FAXC: variants seen among roughly 807,000 people sequenced by gnomAD.
The protein encoded by FAXC is failed axon connections homolog.
FAXC carries 10 observed loss-of-function variants against 41.9 expected under a neutral mutation model. The ratio of observed to expected loss-of-function variants is 0.24; its 90% CI spans 0.15 to 0.41. The LOEUF is 0.41. Ranked by LOEUF, FAXC falls within the 10% of genes least tolerant of loss-of-function variation. FAXC has a pLI of 1.00. For missense variants in FAXC, 399 were observed against 510.9 expected (o/e 0.78, Z 2.11); for synonymous variants, 183 against 183.8 (o/e 1.00, Z 0.03).
intron 3 of FAXC, among the ~76,000 whole-genome samples, chr6:99,329,984 G>A (rs995798357): frequency 2.0e-5 from 3 of 151,242 alleles, no homozygotes; most frequent in Non-Finnish European, 2.9e-5. Context: ...ATGCAGCCTC[G>A]AACTCCTGGG....
rs1427517719 is a variant in FAXC at position 99,349,554 on chromosome 6, T to C, written c.-182A>G. 7.9e-6 allele frequency: 2 copies of C among 254,488 alleles called. No homozygotes were observed. The highest frequency in any genetic ancestry group is 1.2e-5 in the Non-Finnish European group (2 of 161,648). The allele number at this position is 254,488 out of a possible 1,614,324, so 15.8% of individuals were successfully genotyped here. On this transcript the variant is annotated 5_prime_UTR_variant, in exon 1 of 6. Transcript: ENST00000389677. ...AGAGGAGGAGGAGGAGGAAGGGCAC[T>C]GGCCGCGGACGGCGGGCCTGGCCGG...
chr6:99,317,370 T>C (rs1243469820), intron 4 of FAXC, among the ~76,000 whole-genome samples: 2 of 150,766 alleles, frequency 1.3e-5, no homozygotes, highest in African/African-American at 5.0e-5. Context: ...CATTTAAATC[T>C]GTACTCTGCT....
At chr6:99,320,010 G>T (rs1296051997) in intron 4 of FAXC, among the ~76,000 whole-genome samples, 3 of 151,820 alleles carry the variant, frequency 2.0e-5, no homozygotes, top group Admixed American at 1.3e-4. Flanking sequence ...CTTTCATGTT[G>T]TACAACTACA....
chr6:99,301,439 C>A (rs370789231), intron 4 of FAXC, among the ~76,000 whole-genome samples: 1 of 152,130 alleles, frequency 6.6e-6, no homozygotes, highest in African/African-American at 2.4e-5. Context: ...TCTCATGTAC[C>A]TCATAAATAT....
chr6:99,316,614 C>CT (rs1772367120), intron 4 of FAXC, among the ~76,000 whole-genome samples: 1 of 152,238 alleles, frequency 6.6e-6, no homozygotes, highest in Admixed American at 6.5e-5. Context: ...CTATAGTCAT[C>CT]TGCTCCCTGA....
At chr6:99,303,529 C>T (rs1400944836) in intron 4 of FAXC, among the ~76,000 whole-genome samples, 1 of 152,214 alleles carries the variant, frequency 6.6e-6, no homozygotes, top group Non-Finnish European at 1.5e-5. Context: ...TCCCATACTA[C>T]TCTAATGCAC....
intron 2 of FAXC, among the ~76,000 whole-genome samples, chr6:99,340,517 C>T (rs1773385773): frequency 1.6e-5 from 2 of 123,638 alleles, no homozygotes; most frequent in African/African-American, 6.5e-5. Flanking sequence ...CATAAAGACT[C>T]ACTCTAAAGA....
At chr6:99,302,878 T>G (rs573188880) in intron 4 of FAXC, among the ~76,000 whole-genome samples, 1 of 151,178 alleles carries the variant, frequency 6.6e-6, no homozygotes, top group African/African-American at 2.4e-5. Flanking sequence ...AAAATACTTC[T>G]GTACAAAAAA....
intron 4 of FAXC, among the ~76,000 whole-genome samples, chr6:99,319,769 T>C (rs1772523539): frequency 6.6e-6 from 1 of 152,224 alleles, no homozygotes; most frequent in African/African-American, 2.4e-5. Context: ...AGGTCCTGAA[T>C]ATTTCGTATA....
intron 4 of FAXC, among the ~76,000 whole-genome samples, chr6:99,296,070 T>G (rs1359214011): frequency 6.6e-6 from 1 of 152,224 alleles, no homozygotes; most frequent in East Asian, 1.9e-4. Context: ...CTAATGGATA[T>G]TTATTTTATT....
At chr6:99,295,508 C>T (rs1771451131) in intron 4 of FAXC, among the ~76,000 whole-genome samples, 1 of 152,136 alleles carries the variant, frequency 6.6e-6, no homozygotes, top group African/African-American at 2.4e-5. Context: ...GACCCCTCAC[C>T]TGAGTAACGA....
Position 99,276,278 on chromosome 6 carries a change from G to A in FAXC, c.*4886C>T, listed in dbSNP as rs1015772066. On this transcript the variant is annotated 3_prime_UTR_variant, in exon 6 of 6. Coordinates refer to ENST00000389677, the MANE Select transcript of FAXC (RefSeq NM_032511.4). ...ATGAATGAATGAATAAATGAATACA[G>A]GAAAACCTGATTGTGCAGACCTTTC... 6.6e-6 allele frequency: 1 copy of A among 152,102 alleles called. No homozygotes were observed. The highest frequency in any genetic ancestry group is 1.5e-5 in the Non-Finnish European group (1 of 68,018). 9.4% of individuals were successfully genotyped at this position (152,102 alleles called of 1,614,324 possible).
At chr6:99,286,120 G>C (rs567034216) in intron 5 of FAXC, among the ~76,000 whole-genome samples, 2 of 152,316 alleles carry the variant, frequency 1.3e-5, no homozygotes, top group Non-Finnish European at 2.9e-5. Flanking sequence ...GCACCTCCCT[G>C]TTCCAGATCC....
chr6:99,319,931 A>T (rs1772530643), intron 4 of FAXC, among the ~76,000 whole-genome samples: 1 of 152,192 alleles, frequency 6.6e-6, no homozygotes, highest in South Asian at 2.1e-4. Flanking sequence ...CCATTATATC[A>T]GCTACATAAT....
intron 2 of FAXC, among the ~76,000 whole-genome samples, chr6:99,341,457 T>C (rs1172626327): frequency 1.3e-5 from 2 of 152,136 alleles, no homozygotes; most frequent in Non-Finnish European, 2.9e-5. Flanking sequence ...CTGGAGAATC[T>C]ATCTCAATAT....
chr6:99,299,587 G>C (rs2128452652), intron 4 of FAXC, among the ~76,000 whole-genome samples: 1 of 152,216 alleles, frequency 6.6e-6, no homozygotes, highest in Non-Finnish European at 1.5e-5. Context: ...AGAAATTGAA[G>C]AAAAATTAAG....
At chr6:99,292,660 TCA>T (rs1771291052) in intron 4 of FAXC, among the ~76,000 whole-genome samples, 1 of 152,242 alleles carries the variant, frequency 6.6e-6, no homozygotes, top group Non-Finnish European at 1.5e-5. Context: ...CTCTACAGCC[TCA>T]GTTTTCCCAT....
At chr6:99,295,718 G>T (rs1400043689) in intron 4 of FAXC, among the ~76,000 whole-genome samples, 1 of 152,140 alleles carries the variant, frequency 6.6e-6, no homozygotes, top group Admixed American at 6.5e-5. Context: ...ATCATATCAG[G>T]GAGCATATAA....
intron 4 of FAXC, among the ~76,000 whole-genome samples, chr6:99,299,903 T>G (rs908327673): frequency 1.3e-5 from 2 of 152,088 alleles, no homozygotes; most frequent in East Asian, 1.9e-4. Flanking sequence ...CGATCGCCAA[T>G]TAGCTCACAT....
Sources: allele counts gnomAD v4.1 joint callset (sites outside exome capture counted in the v4.1 genomes callset), GRCh38; gene constraint gnomAD v4.1.1; transcripts MANE v1.5; gene names NCBI Gene and HGNC (gene_info 2026-07-23, HGNC 2026-07-21).